SLC14A2: variants seen among roughly 807,000 people sequenced by gnomAD.
SLC14A2 encodes solute carrier family 14 member 2.
Under a neutral mutation model 104.6 loss-of-function variants are expected in SLC14A2, and 91 were observed. The observed-to-expected ratio is 0.87, with a 90% CI of 0.73 to 1.04. The LOEUF (loss-of-function observed/expected upper bound fraction) is 1.04. SLC14A2 is among the 50% of genes least tolerant of loss of function. SLC14A2 has a pLI of 0.00. For synonymous variants in SLC14A2, 476 were observed against 466.4 expected, an observed-to-expected ratio of 1.02 and a Z score of -0.27; for missense variants, 1,189 against 1,156.0, an observed-to-expected ratio of 1.03 and a Z score of -0.41.
intron 2 of SLC14A2, among the ~76,000 whole-genome samples, chr18:45,560,293 T>C (rs2044184384): frequency 6.6e-6 from 1 of 152,216 alleles, no homozygotes; most frequent in African/African-American, 2.4e-5. Flanking sequence ...AGAGGCTAAA[T>C]AGCTTTGTCT....
chr18:45,486,822 C>T (rs1268457810), intron 2 of SLC14A2, among the ~76,000 whole-genome samples: 1 of 152,026 alleles, frequency 6.6e-6, no homozygotes, highest in Non-Finnish European at 1.5e-5. Flanking sequence ...ATAAATGTTG[C>T]AAAGTAGGTA....
intron 4 of SLC14A2, among the ~76,000 whole-genome samples, chr18:45,628,456 A>G (rs867635885): frequency 1.7e-4 from 26 of 151,694 alleles, no homozygotes; most frequent in South Asian, 1.7e-3. Context: ...AAAAAAAAAA[A>G]AAAGAAAGAA....
At chr18:45,282,711 A>G (rs1450352611) in intron 1 of SLC14A2, among the ~76,000 whole-genome samples, 11 of 152,170 alleles carry the variant, frequency 7.2e-5, no homozygotes, top group Non-Finnish European at 1.5e-4. Context: ...GAAATACAGC[A>G]GGGCATATCT....
chr18:45,627,238 C>T, intron 4 of SLC14A2, 91 bp downstream of exon 4: 2 of 1,200,504 alleles, frequency 1.7e-6, no homozygotes, highest in Non-Finnish European at 2.4e-6. Context: ...CTTACCCTCC[C>T]AGCCAGCCAA....
chr18:45,365,971 C>T (rs2085661557), intron 1 of SLC14A2, among the ~76,000 whole-genome samples: 1 of 148,960 alleles, frequency 6.7e-6, no homozygotes, highest in Admixed American at 6.7e-5. Context: ...TAAGCACGTA[C>T]ACCCAAGCAA....
the SLC14A2 span, among the ~76,000 whole-genome samples, chr18:45,203,258 C>T: frequency 1.3e-5 from 2 of 152,152 alleles, no homozygotes; most frequent in African/African-American, 4.8e-5. Flanking sequence ...ACCTATGTGC[C>T]TTCAAAGTCG....
At chr18:45,405,897 GA>G (rs11315024) in intron 1 of SLC14A2, among the ~76,000 whole-genome samples, 9,287 of 129,180 alleles carry the variant, frequency 0.072, 798 homozygotes, top group African/African-American at 0.22. Flanking sequence ...ACTCCATCTC[GA>G]AAAAAAAAAA....
At chr18:45,396,140 G>C (rs1444361576) in intron 1 of SLC14A2, among the ~76,000 whole-genome samples, 1 of 152,016 alleles carries the variant, frequency 6.6e-6, no homozygotes. Context: ...CAGTTGTGCA[G>C]TTTTCTTTTT....
intron 1 of SLC14A2, among the ~76,000 whole-genome samples, chr18:45,338,712 A>AAAAAAAT (rs1568158107): frequency 4.2e-5 from 6 of 143,932 alleles, no homozygotes; most frequent in Admixed American, 1.4e-4. Flanking sequence ...AAAAAAAAAA[A>AAAAAAAT]CTCTTTATTT....
intron 1 of SLC14A2, among the ~76,000 whole-genome samples, chr18:45,395,084 A>G (rs576747906): frequency 6.6e-6 from 1 of 152,318 alleles, no homozygotes; most frequent in South Asian, 2.1e-4. Context: ...TTTTGCTTTC[A>G]TGTTTATTGC....
At chr18:45,444,356 A>G (rs1433763639) in intron 1 of SLC14A2, among the ~76,000 whole-genome samples, 2 of 152,178 alleles carry the variant, frequency 1.3e-5, no homozygotes, top group African/African-American at 2.4e-5. Flanking sequence ...CAGTTCTGAC[A>G]TACTTTGATA....
chr18:45,248,473 C>T (rs993630909), intron 1 of SLC14A2, among the ~76,000 whole-genome samples: 3 of 151,976 alleles, frequency 2.0e-5, no homozygotes, highest in Non-Finnish European at 2.9e-5. Context: ...GGCCTGTTCC[C>T]CCCGAGATCT....
At chr18:45,287,919 G>C (rs1037732755) in intron 1 of SLC14A2, among the ~76,000 whole-genome samples, 4 of 152,168 alleles carry the variant, frequency 2.6e-5, no homozygotes, top group Non-Finnish European at 5.9e-5. Flanking sequence ...GAGGATACTG[G>C]ACAGTCCTAA....
intron 1 of SLC14A2, among the ~76,000 whole-genome samples, chr18:45,314,111 G>A (rs147157812): frequency 1.3e-5 from 2 of 152,360 alleles, no homozygotes; most frequent in Admixed American, 6.5e-5. Flanking sequence ...CACAGCAGAA[G>A]AGGCCAGATG....
intron 1 of SLC14A2, among the ~76,000 whole-genome samples, chr18:45,442,193 G>A (rs1360153549): frequency 6.6e-6 from 1 of 152,206 alleles, no homozygotes. Flanking sequence ...ACTGATGTGA[G>A]CCTCAGTTTC....
intron 10 of SLC14A2, among the ~76,000 whole-genome samples, chr18:45,654,838 C>A (rs1012932872): frequency 1.3e-5 from 2 of 152,156 alleles, no homozygotes; most frequent in South Asian, 2.1e-4. Flanking sequence ...ACTGGATGAG[C>A]CTTCTCGTTA....
intron 1 of SLC14A2, among the ~76,000 whole-genome samples, chr18:45,422,459 C>A (rs1002634644): frequency 2.0e-5 from 3 of 151,928 alleles, no homozygotes; most frequent in African/African-American, 7.3e-5. Flanking sequence ...GAAAAGGGAA[C>A]CAGGGTGCAT....
chr18:45,549,998 T>C (rs2044034997), intron 2 of SLC14A2: 1 of 151,448 alleles, frequency 6.6e-6, no homozygotes, highest in Non-Finnish European at 1.5e-5. Context: ...TTAAAGAGCA[T>C]GTAACTGGAC....
chr18:45,298,009 C>T (rs767663937), intron 1 of SLC14A2, among the ~76,000 whole-genome samples: 1 of 152,194 alleles, frequency 6.6e-6, no homozygotes, highest in Non-Finnish European at 1.5e-5. Flanking sequence ...ATGCCTGTGT[C>T]TCCATTTTAA....
Sources: gnomAD v4.1 joint callset for allele counts (sites outside exome capture counted in the v4.1 genomes callset) on GRCh38, gnomAD v4.1.1 for gene constraint, MANE v1.5 for transcripts, NCBI Gene and HGNC (gene_info 2026-07-23, HGNC 2026-07-21) for gene names.